RGMA: variants seen among roughly 807,000 people sequenced by gnomAD.
RGMA encodes repulsive guidance molecule A.
Under a neutral mutation model 23.2 loss-of-function variants are expected in RGMA, and 10 were observed. The observed-to-expected ratio is 0.43, with a 90% CI of 0.27 to 0.73. RGMA has a LOEUF of 0.73. RGMA is among the 30% of genes least tolerant of loss of function. RGMA has a pLI of 0.20. For synonymous variants in RGMA, 308 were observed against 279.3 expected (o/e 1.10, Z -1.03); for missense variants, 547 against 630.5 (o/e 0.87, Z 1.42).
At chr15:93,074,130 C>CA (rs1224750171) in intron 1 of RGMA, 1 of 704,574 alleles carries the variant, frequency 1.4e-6, no homozygotes, top group African/African-American at 1.9e-5. Flanking sequence ...GGATGAAACA[C>CA]AAATAGTCCT....
chr15:93,072,999 C>A lies in RGMA; in HGVS notation c.47G>T (p.Trp16Leu), dbSNP rs1160211626. 1 of 1,611,362 alleles carries A rather than the reference C, an allele frequency of 6.2e-7. No homozygotes were observed. The part of the protein sequence containing the change: ...ERLVVTGRAG[W>L]MGMGRGAGRS... The stretch of plus-strand genomic sequence containing the variant: ...TCCTGCCCCTCTCCCCATACCCATC[C>A]ATCCAGCTCGGCCTGTTACCACTAG... The change falls in exon 2 of 4, where the codon TGG (tryptophan) becomes TTG (leucine). Residue 16 changes from tryptophan to leucine, a missense_variant. Physicochemically the swap from Trp to Leu is moderately conservative, Grantham distance 61 (BLOSUM62 -2). Around this residue, in one of 3 missense-constraint regions of RGMA, gnomAD observed 214 missense variants for 234.7 expected, o/e 0.91. Transcript: ENST00000329082.
rs2054693267 is a variant in RGMA at position 93,039,013 on chromosome 15, T to G, written c.*5985A>C. 6.6e-6 allele frequency: 1 copy of G among 152,200 alleles called. No homozygotes were observed. Among genetic ancestry groups the G allele is most frequent in the Non-Finnish European group, 1.5e-5 (1 of 68,060 alleles). 9.4% of individuals were successfully genotyped at this position (152,200 alleles called of 1,614,324 possible). ...GGGAGACAGAGACCCACGCTTAACC[T>G]GGGTGGGCACCATCTAATCACCTGC... On this transcript the variant is annotated 3_prime_UTR_variant, in exon 4 of 4. Transcript: ENST00000329082.
At chr15:93,047,800 G>A (rs1021774885) in intron 3 of RGMA, among the ~76,000 whole-genome samples, 4 of 152,234 alleles carry the variant, frequency 2.6e-5, no homozygotes, top group Non-Finnish European at 4.4e-5. Flanking sequence ...GCGTGCCAAG[G>A]GAGTTTCTGG....
At chr15:93,058,140 T>C (rs2055043898) in intron 2 of RGMA, among the ~76,000 whole-genome samples, 1 of 152,070 alleles carries the variant, frequency 6.6e-6, no homozygotes, top group African/African-American at 2.4e-5. Flanking sequence ...TTAGATCCTA[T>C]ATGAGAAAGA....
chr15:93,070,698 T>C (rs1895293587), intron 2 of RGMA, among the ~76,000 whole-genome samples: 1 of 152,202 alleles, frequency 6.6e-6, no homozygotes, highest in Non-Finnish European at 1.5e-5. Flanking sequence ...AGGTGGGCAA[T>C]TTTGACTAAA....
In RGMA at chr15:93,045,042, C is replaced by T. The variant is rs763341279; in HGVS notation, c.1309G>A (p.Gly437Ser). 2.3e-5 allele frequency: 37 copies of T among 1,584,388 alleles called. No individual in the cohort carries two copies. The highest frequency in any genetic ancestry group is 4.0e-5 in the African/African-American group (3 of 74,360). The change falls in exon 4 of 4, where the codon GGC (glycine) becomes AGC (serine). Residue 437 changes from glycine (G) to serine (S), a missense_variant. Gly to Ser is a moderately conservative substitution (Grantham distance 56). Coordinates refer to ENST00000329082, the MANE Select transcript of RGMA (RefSeq NM_020211.3). The surrounding 1 kb of genome is among the most constrained non-coding windows in gnomAD (Gnocchi z 6.9). ...AGGGCCAGGAGCGGGACGAGGGCGC[C>T]CAGGAGGGGCCGGGGGGCCAGGGGC... The part of the protein sequence containing the change: ...GLPLAPRPLL[G>S]ALVPLLALLP...
At chr15:93,062,328 C>T (rs1292659450) in intron 2 of RGMA, among the ~76,000 whole-genome samples, 1 of 152,212 alleles carries the variant, frequency 6.6e-6, no homozygotes, top group Non-Finnish European at 1.5e-5. Context: ...ACAAAGCAAA[C>T]ATGTTTCATC....
intron 1 of RGMA, chr15:93,088,708 GA>G: frequency 1.3e-6 from 1 of 772,570 alleles, no homozygotes; most frequent in Non-Finnish European, 1.9e-6. Context: ...AGTATTTTAG[GA>G]AAAAAGAACA....
At chr15:93,066,225 G>A (rs763388782) in intron 2 of RGMA, 2 of 1,407,604 alleles carry the variant, frequency 1.4e-6, no homozygotes, top group Non-Finnish European at 1.0e-6. Context: ...CTCCAACGCT[G>A]CGCAGAAACT....
In RGMA at chr15:93,038,458, T is replaced by C. The variant is rs7163551; in HGVS notation, c.*6540A>G. 0.42 allele frequency: 63,671 copies of C among 151,684 alleles called. 14,237 individuals are homozygous for C. Among genetic ancestry groups the C allele is most frequent in the Middle Eastern group, 0.56 (161 of 290 alleles). 9.4% of individuals were successfully genotyped at this position (151,684 alleles called of 1,614,324 possible). A position where few individuals can be genotyped will look rare whatever the true frequency, so the allele number is the denominator to read the frequency against. On this transcript the variant is annotated 3_prime_UTR_variant, in exon 4 of 4. Coordinates refer to ENST00000329082, the MANE Select transcript of RGMA (RefSeq NM_020211.3). ...CGGAGGGTGGACTGTTTCTTCAAGA[T>C]GCCCTCTCCCCAGTTCTGGCTGGTC...
At chr15:93,084,220 G>A (rs1462768573) in intron 1 of RGMA, among the ~76,000 whole-genome samples, 1 of 152,216 alleles carries the variant, frequency 6.6e-6, no homozygotes, top group Non-Finnish European at 1.5e-5. Context: ...GGCTGCCACT[G>A]TCAGAGCTGA....
Position 93,045,238 on chromosome 15 carries a change from C to G in RGMA, c.1113G>C (p.Glu371Asp). 6.2e-7 allele frequency: 1 copy of G among 1,613,030 alleles called. No individual in the cohort carries two copies. Among genetic ancestry groups the G allele is most frequent in the South Asian group, 1.1e-5 (1 of 90,932 alleles). ...AGACGCAGGCCTGGTAGTACAGGTC[C>G]TCCACCGGCAGCTTCTCCTTGCACT... ...VAKCKEKLPV[E>D]DLYYQACVFD... is the part of the protein sequence containing the mutation. Residue 371 changes from glutamate to aspartate, a missense_variant, in exon 4 of 4, where the codon GAG becomes GAC. By Grantham distance (45) the Glu-to-Asp change is conservative (BLOSUM62 2). This residue lies in a region of RGMA where 205 missense variants were observed against 204.1 expected (regional missense o/e 1.00). Coordinates refer to ENST00000329082, the MANE Select transcript of RGMA (RefSeq NM_020211.3). The surrounding 1 kb of genome is among the most constrained non-coding windows in gnomAD (Gnocchi z 6.9).
At chr15:93,047,542 C>A (rs2054843845) in intron 3 of RGMA, among the ~76,000 whole-genome samples, 1 of 152,094 alleles carries the variant, frequency 6.6e-6, no homozygotes, top group Admixed American at 6.5e-5. Flanking sequence ...CCACTAAGCC[C>A]CAACCCCTCA....
At position 93,040,895 on chromosome 15, in the gene RGMA, T is replaced by A. The variant is rs2054715616; in HGVS notation, c.*4103A>T. On this transcript the variant is annotated 3_prime_UTR_variant, in exon 4 of 4. Transcript: ENST00000329082. Reference sequence around the variant, plus strand: ...ATTGACGAGTGTTAGCTCACTGGATTTCCATACTGACCTCGGGAGGTGGAG... The same window carrying A: ...ATTGACGAGTGTTAGCTCACTGGATATCCATACTGACCTCGGGAGGTGGAG... 1.3e-5 allele frequency: 2 copies of A among 152,162 alleles called. No homozygotes were observed. 9.4% of individuals were successfully genotyped at this position (152,162 alleles called of 1,614,324 possible).
intron 2 of RGMA, chr15:93,063,154 AAAAG>A (rs1460193151): frequency 2.0e-5 from 3 of 152,234 alleles, no homozygotes. Context: ...AGCAGCTTAA[AAAAG>A]AAATCACTGC....
intron 3 of RGMA, among the ~76,000 whole-genome samples, chr15:93,046,860 G>A (rs963762878): frequency 2.0e-5 from 3 of 150,306 alleles, no homozygotes; most frequent in Admixed American, 6.6e-5. Context: ...GGCCAGGGGT[G>A]AGGGGCTGGA....
At chr15:93,078,094 GCCA>G (rs1373468025) in intron 1 of RGMA, among the ~76,000 whole-genome samples, 1 of 152,214 alleles carries the variant, frequency 6.6e-6, no homozygotes, top group African/African-American at 2.4e-5. Context: ...GCCTCCCCAA[GCCA>G]CTCTTCAGCA....
intron 2 of RGMA, among the ~76,000 whole-genome samples, chr15:93,059,196 C>G (rs867978112): frequency 4.6e-5 from 7 of 152,192 alleles, no homozygotes. Context: ...AGGACACCAG[C>G]TGAGACTGAC....
intron 2 of RGMA, among the ~76,000 whole-genome samples, chr15:93,060,222 G>T (rs16947406): frequency 0.2 from 30,109 of 152,192 alleles, 3,360 homozygotes; most frequent in Middle Eastern, 0.33. Context: ...CGGCCCCTTG[G>T]TAAGCCTTGC....
Sources: gnomAD v4.1 joint callset for allele counts (sites outside exome capture counted in the v4.1 genomes callset) on GRCh38, gnomAD v4.1.1 for gene constraint, gnomAD v4.1.1 regional missense constraint, Gnocchi (gnomAD v3.1) non-coding constraint, MANE v1.5 for transcripts, NCBI Gene and HGNC (gene_info 2026-07-23, HGNC 2026-07-21) for gene names.